The following SUSD5 variants were observed in gnomAD, a reference collection of about 807,000 sequenced individuals.
SUSD5 encodes sushi domain-containing protein 5.
Under a neutral mutation model 29.5 loss-of-function variants are expected in SUSD5, and 33 were observed. The observed-to-expected ratio is 1.12, with a 90% CI of 0.85 to 1.49. The LOEUF is 1.49. SUSD5 is among the 40% of genes most tolerant of loss of function. The probability of loss-of-function intolerance (pLI) is 0.00; values close to 1 mark genes in which losing one functional copy is unlikely to be tolerated. For synonymous variants in SUSD5, 308 were observed against 325.3 expected (o/e 0.95, Z 0.57); for missense variants, 776 against 800.6 (o/e 0.97, Z 0.37).
At position 33,153,279 on chromosome 3, in the gene SUSD5, G is replaced by A. The variant is rs772100665; in HGVS notation, c.1353C>T (p.Pro451=). 3.1e-5 allele frequency: 50 copies of A among 1,613,906 alleles called. No homozygotes were observed. The African/African-American group carries it at 3.7e-4, about 12-fold the overall frequency. The change falls in exon 5 of 5, where the codon CCC becomes CCT. Residue 451 remains proline, a synonymous_variant. Transcript: ENST00000309558. ...MLDVEALALR[P]VNASETEGIG... is the part of the protein sequence containing the mutation. ...TGCCCTCAGTCTCGGAAGCATTCACGGGTCTGAGCGCCAAAGCTTCCACAT... is the reference window on the plus strand; with the variant it reads ...TGCCCTCAGTCTCGGAAGCATTCACAGGTCTGAGCGCCAAAGCTTCCACAT...
rs570374649 is a variant in SUSD5, at chr3:33,197,832, T to C, written c.409+9976A>G. 1.5e-3 allele frequency among the ~76,000 whole-genome samples: 224 copies of C among 152,360 alleles called. 1 individual carries two copies. Among genetic ancestry groups the C allele is most frequent in the African/African-American group, 5.1e-3 (214 of 41,586 alleles). ...CATTTTATTGCCAAATACTAATCCA[T>C]GGTATGGATATACCACATATTTTGA... On this transcript the variant is annotated intron_variant, in intron 3 of 4. Transcript: ENST00000309558.
At chr3:33,206,676 C>A (rs1035735951) in intron 3 of SUSD5, among the ~76,000 whole-genome samples, 2 of 152,088 alleles carry the variant, frequency 1.3e-5, no homozygotes, top group African/African-American at 4.8e-5. Context: ...CTCCTCTGAT[C>A]CCTTTCCTGG....
chr3:33,205,731 C>A (rs2032206196), intron 3 of SUSD5, among the ~76,000 whole-genome samples: 2 of 152,204 alleles, frequency 1.3e-5, no homozygotes, highest in Admixed American at 1.3e-4. Flanking sequence ...CCTTGTCACC[C>A]AAGCCAACGG....
Position 33,150,795 on chromosome 3 carries a change from G to A in SUSD5, c.*1947C>T, listed in dbSNP as rs1441615182. On this transcript the variant is annotated 3_prime_UTR_variant, in exon 5 of 5. Transcript: ENST00000309558. ...ATGTTGCGAATGTTTTTTTTCCTTA[G>A]GTAAAACACCACCAACAATTTTTCA... The A allele has an allele frequency of 6.6e-6, 1 of 152,026 alleles. No individual in the cohort carries two copies. The highest frequency in any genetic ancestry group is 6.5e-5 in the Admixed American group (1 of 15,268). The allele number at this position is 152,026 out of a possible 1,614,324, so 9.4% of individuals were successfully genotyped here.
At chr3:33,205,667 G>A (rs2032204514) in intron 3 of SUSD5, among the ~76,000 whole-genome samples, 1 of 152,222 alleles carries the variant, frequency 6.6e-6, no homozygotes, top group Non-Finnish European at 1.5e-5. Flanking sequence ...TGGTCTGTGA[G>A]GTGGAAAGCC....
At chr3:33,175,255 G>A (rs1344549433) in intron 3 of SUSD5, among the ~76,000 whole-genome samples, 181 bp from the exon 4 acceptor site, 1 of 152,130 alleles carries the variant, frequency 6.6e-6, no homozygotes, top group Non-Finnish European at 1.5e-5. Flanking sequence ...TGGAATAGAA[G>A]AGGCACTCAA....
At chr3:33,201,395 G>C (rs1402175870) in intron 3 of SUSD5, among the ~76,000 whole-genome samples, 4 of 152,254 alleles carry the variant, frequency 2.6e-5, no homozygotes, top group Admixed American at 2.6e-4. Context: ...GAGTAGCACA[G>C]AAGTGGAGAA....
intron 3 of SUSD5, among the ~76,000 whole-genome samples, chr3:33,183,874 AT>A (rs1429927486): frequency 6.9e-6 from 1 of 145,574 alleles, no homozygotes; most frequent in Non-Finnish European, 1.5e-5. Flanking sequence ...AGGGCATACA[AT>A]TTTAGGTTAA....
chr3:33,195,052 G>A (rs1203525847), intron 3 of SUSD5, among the ~76,000 whole-genome samples: 1 of 152,042 alleles, frequency 6.6e-6, no homozygotes, highest in African/African-American at 2.4e-5. Context: ...AAAATTAGCT[G>A]GGCCTGGTGG....
At chr3:33,188,641 A>C (rs530402763) in intron 3 of SUSD5, among the ~76,000 whole-genome samples, 113 of 152,186 alleles carry the variant, frequency 7.4e-4, no homozygotes, top group Admixed American at 2.0e-3. Context: ...CTGTGGATCA[A>C]AAACCTATCC....
intron 1 of SUSD5, among the ~76,000 whole-genome samples, chr3:33,215,600 T>G (rs919634282): frequency 1.3e-5 from 2 of 152,058 alleles, no homozygotes; most frequent in African/African-American, 2.4e-5. Flanking sequence ...TAGTTAAGGT[T>G]TAGTATTAAT....
chr3:33,170,381 G>C (rs1049619298), intron 4 of SUSD5, among the ~76,000 whole-genome samples: 1 of 152,184 alleles, frequency 6.6e-6, no homozygotes, highest in Admixed American at 6.5e-5. Context: ...GCCAGAACCA[G>C]ACCTGAACTC....
At position 33,152,860 on chromosome 3, in the gene SUSD5, C is replaced by T; in HGVS notation, c.1772G>A (p.Gly591Asp). 6.2e-7 allele frequency: 1 copy of T among 1,613,952 alleles called. No individual in the cohort carries two copies. The highest frequency in any genetic ancestry group is 1.1e-5 in the South Asian group (1 of 91,084). ...GCGGTAGCCCCACACCATCCCCACA[C>T]CTGCCAGGAGCAGCAGTAGGCACAG... is the stretch of plus-strand genomic sequence containing the variant. ...TVLCLLLLLA[G>D]VGMVWGYRKC... Residue 591 changes from glycine to aspartate, a missense_variant, in exon 5 of 5, where the codon GGT becomes GAT. Transcript: ENST00000309558.
intron 4 of SUSD5, among the ~76,000 whole-genome samples, chr3:33,173,267 G>C (rs2031473554): frequency 6.6e-6 from 1 of 152,210 alleles, no homozygotes; most frequent in African/African-American, 2.4e-5. Context: ...CTCAGACACA[G>C]CTGATGGGAG....
chr3:33,153,377 TCTTAA>T lies in SUSD5; in HGVS notation c.1250_1254del (p.Val417GlufsTer5). 1 of 1,613,906 alleles carries T rather than the reference TCTTAA, an allele frequency of 6.2e-7. No individual in the cohort carries two copies. The highest frequency in any genetic ancestry group is 8.5e-7 in the Non-Finnish European group (1 of 1,179,846). Reference sequence around the variant, plus strand: ...GGTGTGAGGGTGCTACTCTTGGGCTTCTTAACTTCCACAAGAATGGGCTGATCAGG... The same window carrying T: ...GGTGTGAGGGTGCTACTCTTGGGCTTCTTCCACAAGAATGGGCTGATCAGG... On this transcript the variant is annotated frameshift_variant, in exon 5 of 5. Transcript: ENST00000309558. LOFTEE classifies it low-confidence loss of function (END_TRUNC).
intron 2 of SUSD5, among the ~76,000 whole-genome samples, chr3:33,209,516 T>A (rs990708011): frequency 6.6e-6 from 1 of 152,078 alleles, no homozygotes; most frequent in African/African-American, 2.4e-5. Context: ...AGTTCACTAA[T>A]CCTCTCTTTG....
chr3:33,200,477 G>A lies in SUSD5; in HGVS notation c.409+7331C>T, dbSNP rs1221323619. Among the ~76,000 whole-genome samples the A allele has an allele frequency of 2.0e-5, 3 of 152,234 alleles. No homozygotes were observed. In the East Asian group the frequency reaches 5.8e-4, roughly 29 times the overall value. ...ATGTTTTAGGTGCTTCCTCTGCAGTGCACCACATCTCTTGTGGATTTTCCA... is the reference window on the plus strand; with the variant it reads ...ATGTTTTAGGTGCTTCCTCTGCAGTACACCACATCTCTTGTGGATTTTCCA... On this transcript the variant is annotated intron_variant, in intron 3 of 4. Coordinates refer to ENST00000309558, the MANE Select transcript of SUSD5 (RefSeq NM_015551.2).
In SUSD5 at chr3:33,150,339, TAC is replaced by T. The variant is rs1360006648; in HGVS notation, c.*2401_*2402del. 5 of 152,154 alleles carry T rather than the reference TAC, an allele frequency of 3.3e-5. No individual in the cohort carries two copies. Among genetic ancestry groups the T allele is most frequent in the Non-Finnish European group, 5.9e-5 (4 of 68,020 alleles). The allele number at this position is 152,154 out of a possible 1,614,324, so 9.4% of individuals were successfully genotyped here. ...TAATAATTTGTAATAAATTTATTAA[TAC>T]ACTGTATTAATAATTTGTAATAAAT... On this transcript the variant is annotated 3_prime_UTR_variant, in exon 5 of 5. Coordinates refer to ENST00000309558, the MANE Select transcript of SUSD5 (RefSeq NM_015551.2).
At chr3:33,184,605 C>CT (rs969131540) in intron 3 of SUSD5, among the ~76,000 whole-genome samples, 2 of 147,480 alleles carry the variant, frequency 1.4e-5, no homozygotes, top group East Asian at 2.0e-4. Context: ...ATTCTGTTCT[C>CT]TTTTTTTGTC....
Sources: allele counts gnomAD v4.1 joint callset (sites outside exome capture counted in the v4.1 genomes callset), GRCh38; gene constraint gnomAD v4.1.1; transcripts MANE v1.5; gene names NCBI Gene and HGNC (gene_info 2026-07-23, HGNC 2026-07-21).